SLC17A9: variants seen among roughly 807,000 people sequenced by gnomAD.
SLC17A9 encodes the protein voltage-gated purine nucleotide uniporter SLC17A9.
A neutral mutation model predicts 55.0 loss-of-function variants in SLC17A9; 49 were observed. That is an observed-to-expected ratio of 0.89 (90% CI 0.71 to 1.13). The LOEUF is 1.13. Ranked by LOEUF, SLC17A9 falls within the 50% of genes most tolerant of loss-of-function variation. SLC17A9 has a pLI of 0.00. For synonymous variants in SLC17A9, 256 were observed against 247.4 expected, an observed-to-expected ratio of 1.03 and a Z score of -0.32; for missense variants, 526 against 569.3, an observed-to-expected ratio of 0.92 and a Z score of 0.77.
intron 4 of SLC17A9, 59 bp downstream of exon 4, chr20:62,960,662 T>G: frequency 6.6e-7 from 1 of 1,516,280 alleles, no homozygotes; most frequent in Non-Finnish European, 9.0e-7. Flanking sequence ...CCTTGCCGAG[T>G]GGCCCCTGGT....
rs944062272 is a variant in SLC17A9, at chr20:62,955,193, G to A, written c.60-1572G>A. ...GGTGGAGTCTCACTCTGTCGCCCAGGCTGGAGTTCAGTAGTTTGATCTCGG... is the reference window on the plus strand; with the variant it reads ...GGTGGAGTCTCACTCTGTCGCCCAGACTGGAGTTCAGTAGTTTGATCTCGG... On this transcript the variant is annotated intron_variant, in intron 1 of 12. Coordinates refer to ENST00000370351, the MANE Select transcript of SLC17A9 (RefSeq NM_022082.4). 4.0e-5 allele frequency among the ~76,000 whole-genome samples: 6 copies of A among 151,656 alleles called. No homozygotes were observed. The South Asian group carries it at 6.3e-4, about 16-fold the overall frequency.
intron 1 of SLC17A9, among the ~76,000 whole-genome samples, chr20:62,956,160 C>T (rs961414618): frequency 6.6e-6 from 1 of 152,182 alleles, no homozygotes; most frequent in Non-Finnish European, 1.5e-5. Context: ...AGCTGGCCGG[C>T]CTGGCTCTGT....
chr20:62,952,988 G>C, intron 1 of SLC17A9, 99 bp downstream of exon 1: 1 of 1,335,324 alleles, frequency 7.5e-7, no homozygotes, highest in Non-Finnish European at 1.0e-6. Flanking sequence ...TAGGTGGGGA[G>C]GGCTGAGCTG....
Position 62,968,873 on chromosome 20 carries a change from C to T in SLC17A9, c.*1373C>T, listed in dbSNP as rs934536736. On this transcript the variant is annotated 3_prime_UTR_variant, in exon 13 of 13. Transcript: ENST00000370351. ...CACCCAGCTTTCCCAAGATGTGGGG[C>T]CCCCATGGAGTCAGACAGCCCAGCT... is the stretch of plus-strand genomic sequence containing the variant. The T allele has an allele frequency of 2.0e-5, 3 of 152,254 alleles. No homozygotes were observed. Among genetic ancestry groups the T allele is most frequent in the Non-Finnish European group, 4.4e-5 (3 of 68,054 alleles). 9.4% of individuals were successfully genotyped at this position (152,254 alleles called of 1,614,324 possible).
intron 10 of SLC17A9, among the ~76,000 whole-genome samples, chr20:62,965,977 C>T (rs1318634250): frequency 6.6e-5 from 10 of 152,264 alleles, no homozygotes; most frequent in South Asian, 2.1e-4. Context: ...TCTAAGGAGT[C>T]GCTTCCTGCA....
chr20:62,954,417 A>C (rs910981153), intron 1 of SLC17A9, among the ~76,000 whole-genome samples: 1 of 152,194 alleles, frequency 6.6e-6, no homozygotes, highest in Non-Finnish European at 1.5e-5. Flanking sequence ...GGGCCATGTG[A>C]CCACCTGTTT....
chr20:62,960,741 T>G, intron 4 of SLC17A9, 138 bp downstream of exon 4: 1 of 770,320 alleles, frequency 1.3e-6, no homozygotes, highest in Non-Finnish European at 2.1e-6. Context: ...AGGCGCCTTT[T>G]GGGCTCTGTA....
intron 1 of SLC17A9, among the ~76,000 whole-genome samples, chr20:62,955,326 T>G (rs891565231): frequency 6.6e-6 from 1 of 151,964 alleles, no homozygotes; most frequent in African/African-American, 2.4e-5. Flanking sequence ...TTTTACATTT[T>G]TAGTAGAGAT....
rs777465848 is a variant in SLC17A9, at chr20:62,962,261, C to T, written c.498-363C>T. The T allele has an allele frequency of 5.1e-5, 10 of 195,344 alleles. No homozygotes were observed. Among genetic ancestry groups the T allele is most frequent in the African/African-American group, 7.1e-5 (3 of 42,370 alleles). The allele number at this position is 195,344 out of a possible 1,614,324, so 12.1% of individuals were successfully genotyped here. A position where few individuals can be genotyped will look rare whatever the true frequency, so the allele number is the denominator to read the frequency against. ...CTTCACTGTGGTATATGCTCATCAC[C>T]GTCTCCTCCTCGGTGCCGTTTTTAG... On this transcript the variant is annotated intron_variant, in intron 4 of 12. Coordinates refer to ENST00000370351, the MANE Select transcript of SLC17A9 (RefSeq NM_022082.4). This position sits in a 1 kb window ranked among gnomAD's most constrained non-coding sequence, Gnocchi z 5.5.
intron 1 of SLC17A9, among the ~76,000 whole-genome samples, chr20:62,954,370 T>TGGCCC (rs1266717043): frequency 6.6e-6 from 1 of 152,348 alleles, no homozygotes; most frequent in South Asian, 2.1e-4. Flanking sequence ...GCTGCTCGCC[T>TGGCCC]GGCCCGGCCC....
rs1472609814 is a variant in SLC17A9, at chr20:62,969,117, C to A, written c.*1617C>A. The A allele has an allele frequency of 2.6e-5, 4 of 152,166 alleles. No individual in the cohort carries two copies. Among genetic ancestry groups the A allele is most frequent in the African/African-American group, 9.7e-5 (4 of 41,426 alleles). 9.4% of individuals were successfully genotyped at this position (152,166 alleles called of 1,614,324 possible). A position where few individuals can be genotyped will look rare whatever the true frequency, so the allele number is the denominator to read the frequency against. On this transcript the variant is annotated 3_prime_UTR_variant, in exon 13 of 13. Coordinates refer to ENST00000370351, the MANE Select transcript of SLC17A9 (RefSeq NM_022082.4). ...AGCCTGGCAGTTGCTGTCTGGAGGC[C>A]AGGAAGCCAAGCCCAGGAAGCCCAC...
chr20:62,956,799 C>T lies in SLC17A9; in HGVS notation c.94C>T (p.Leu32=), dbSNP rs1250484758. The T allele has an allele frequency of 1.9e-6, 3 of 1,612,696 alleles. No individual in the cohort carries two copies. In the Admixed American group the frequency reaches 5.0e-5, roughly 27 times the overall value. Residue 32 remains leucine (L), a synonymous_variant, in exon 2 of 13, where the codon CTG becomes TTG. Coordinates refer to ENST00000370351, the MANE Select transcript of SLC17A9 (RefSeq NM_022082.4). ...ECQAWTGTLL[L]GTCLLYCARS... is the part of the protein sequence containing the mutation. ...CCAGGCATGGACGGGGACGCTGCTG[C>T]TGGGCACATGCCTTCTGTACTGCGC...
At chr20:62,966,992 G>A (rs935657439) in intron 12 of SLC17A9, 17 of 585,452 alleles carry the variant, frequency 2.9e-5, no homozygotes, top group African/African-American at 3.8e-5. Flanking sequence ...CAGGGTCCCC[G>A]GGACACCTCC....
chr20:62,955,862 G>A (rs1601085117), intron 1 of SLC17A9, among the ~76,000 whole-genome samples: 1 of 152,238 alleles, frequency 6.6e-6, no homozygotes, highest in Non-Finnish European at 1.5e-5. Flanking sequence ...AACCCAGGGA[G>A]CAGCCAGATA....
chr20:62,957,248 G>C, intron 2 of SLC17A9, 193 bp from the exon 3 acceptor site: 21 of 985,408 alleles, frequency 2.1e-5, no homozygotes, highest in Non-Finnish European at 2.4e-5. Flanking sequence ...GGGCCCTGCA[G>C]GCAGAGGAGG....
intron 3 of SLC17A9, 78 bp from the exon 4 acceptor site, chr20:62,960,426 C>A: frequency 7.3e-7 from 1 of 1,378,438 alleles, no homozygotes; most frequent in Admixed American, 2.0e-5. Flanking sequence ...TCTGGAATCA[C>A]AGCCCAAACC....
intron 9 of SLC17A9, 90 bp downstream of exon 9, chr20:62,965,256 G>A: frequency 1.9e-6 from 3 of 1,550,072 alleles, no homozygotes; most frequent in Non-Finnish European, 2.7e-6. Flanking sequence ...CAAGTCACCT[G>A]ATATCTGGGA....
At chr20:62,960,315 G>A (rs1478984064) in intron 3 of SLC17A9, among the ~76,000 whole-genome samples, 189 bp from the exon 4 acceptor site, 3 of 152,342 alleles carry the variant, frequency 2.0e-5, no homozygotes, top group South Asian at 2.1e-4. Context: ...GACCCTGAGC[G>A]AGCCTCACCC....
At position 62,967,431 on chromosome 20, in the gene SLC17A9, G is replaced by T. The variant is rs369514537; in HGVS notation, c.1242G>T (p.Gly414=). The change falls in exon 13 of 13, where the codon GGG becomes GGT. Residue 414 remains glycine, a synonymous_variant. Transcript: ENST00000370351. Reference sequence around the variant, plus strand: ...TTGTGGCCATCATCAGCAACCTGGGGCTGTGCACCTTCCTGGTGTTTGGAC... The same window carrying T: ...TTGTGGCCATCATCAGCAACCTGGGTCTGTGCACCTTCCTGGTGTTTGGAC... ...FNLVAIISNL[G]LCTFLVFGQA... The T allele has an allele frequency of 9.9e-6, 16 of 1,614,088 alleles. No homozygotes were observed. The highest frequency in any genetic ancestry group is 1.2e-5 in the Non-Finnish European group (14 of 1,180,032).
Sources: allele counts gnomAD v4.1 joint callset (sites outside exome capture counted in the v4.1 genomes callset), GRCh38; gene constraint gnomAD v4.1.1; non-coding constraint Gnocchi (gnomAD v3.1); transcripts MANE v1.5; gene names NCBI Gene and HGNC (gene_info 2026-07-23, HGNC 2026-07-21).